Variants in MRPS30 observed in about 807,000 individuals in gnomAD.
MRPS30 encodes large ribosomal subunit protein mL65.
A neutral mutation model predicts 43.8 loss-of-function variants in MRPS30; 42 were observed. That is an observed-to-expected ratio of 0.96 (90% confidence interval 0.75 to 1.24). The LOEUF (loss-of-function observed/expected upper bound fraction) is 1.24, where lower values mean the gene tolerates loss of function less well. MRPS30 is among the 50% of genes most tolerant of loss of function. The probability of loss-of-function intolerance (pLI) is 0.00; values close to 1 mark genes in which losing one functional copy is unlikely to be tolerated. For missense variants in MRPS30, 638 were observed against 570.0 expected (o/e 1.12, Z -1.22); for synonymous variants, 273 against 228.2 (o/e 1.20, Z -1.77).
At position 44,813,097 on chromosome 5, in the gene MRPS30, G is replaced by T; in HGVS notation, c.854-9G>T. The T allele has an allele frequency of 1.2e-6, 2 of 1,606,422 alleles. No individual in the cohort carries two copies. Among genetic ancestry groups the T allele is most frequent in the Admixed American group, 1.7e-5 (1 of 58,078 alleles). ...GTTTCATCTGAAATGTTTTTATTTT[G>T]CTCTTCAGGCTCAAAAACTGCAGAT... On this transcript the variant is annotated splice_polypyrimidine_tract_variant and intron_variant, in intron 3 of 4. Transcript: ENST00000507110.
intron 1 of MRPS30, 189 bp downstream of exon 1, chr5:44,809,752 G>A: frequency 1.6e-6 from 1 of 621,306 alleles, no homozygotes; most frequent in South Asian, 2.2e-5. Context: ...GACTAGGTGT[G>A]TGTGGCTGCG....
rs1742869200 is a variant in MRPS30 at position 44,813,121 on chromosome 5, A to C, written c.869A>C (p.Asp290Ala). 2 of 1,611,734 alleles carry C rather than the reference A, an allele frequency of 1.2e-6. No homozygotes were observed. The highest frequency in any genetic ancestry group is 1.7e-6 in the Non-Finnish European group (2 of 1,179,270). The change falls in exon 4 of 5, where the codon GAT becomes GCT. Residue 290 changes from aspartate to alanine, a missense_variant. By Grantham distance (126) the Asp-to-Ala change is moderately radical. Coordinates refer to ENST00000507110, the MANE Select transcript of MRPS30 (RefSeq NM_016640.4). ...TGCTCTTCAGGCTCAAAAACTGCAG[A>C]TCCTTGCTGTTACGGTCACACCCAG... is the stretch of plus-strand genomic sequence containing the variant. ...NHIFVGSKTA[D>A]PCCYGHTQFH...
intron 1 of MRPS30, among the ~76,000 whole-genome samples, chr5:44,810,416 T>TG (rs1742819564): frequency 6.6e-6 from 1 of 152,250 alleles, no homozygotes; most frequent in Non-Finnish European, 1.5e-5. Flanking sequence ...ATTATTGTTT[T>TG]TGACGCATTC....
intron 1 of MRPS30, 43 bp from the exon 2 acceptor site, chr5:44,810,949 ATAGTAACCAAATTTATT>A: frequency 6.7e-7 from 1 of 1,495,214 alleles, no homozygotes; most frequent in South Asian, 1.2e-5. Context: ...TAGTGTTCTA[ATAGTAACCAAATTTATT>A]TAGATGATCA....
Position 44,811,884 on chromosome 5 carries a change from GAATTTAGTATGT to G in MRPS30, c.748-30_748-19del. The G allele has an allele frequency of 7.7e-7, 1 of 1,296,382 alleles. No homozygotes were observed. Among genetic ancestry groups the G allele is most frequent in the Non-Finnish European group, 1.1e-6 (1 of 944,918 alleles). 80.3% of individuals were successfully genotyped at this position (1,296,382 alleles called of 1,614,324 possible). A position where few individuals can be genotyped will look rare whatever the true frequency, so the allele number is the denominator to read the frequency against. On this transcript the variant is annotated intron_variant, in intron 2 of 4. Coordinates refer to ENST00000507110, the MANE Select transcript of MRPS30 (RefSeq NM_016640.4). ...GTAAAATACATACTAATGTTGCTGTGAATTTAGTATGTCTTTTCTTTTTCTTTAAGTTTGTGC... is the reference window on the plus strand; with the variant it reads ...GTAAAATACATACTAATGTTGCTGTGCTTTTCTTTTTCTTTAAGTTTGTGC...
chr5:44,813,366 A>G (rs1378674032), intron 4 of MRPS30, 84 bp downstream of exon 4: 5 of 1,178,884 alleles, frequency 4.2e-6, no homozygotes, highest in Non-Finnish European at 5.7e-6. Context: ...TCTTTGGGTT[A>G]AAACATAGGT....
chr5:44,813,373 A>G (rs936385516), intron 4 of MRPS30, 91 bp downstream of exon 4: 14 of 1,116,888 alleles, frequency 1.3e-5, no homozygotes, highest in Admixed American at 7.1e-5. Flanking sequence ...GTTAAAACAT[A>G]GGTTGAATCT....
In MRPS30 at chr5:44,809,395, G is replaced by T; in HGVS notation, c.433G>T (p.Val145Phe). The change falls in exon 1 of 5, where the codon GTC becomes TTC. Residue 145 changes from valine (V) to phenylalanine (F), a missense_variant. By Grantham distance (50) the Val-to-Phe change is conservative. Transcript: ENST00000507110. ...PALDLAALRA[V>F]ACDCLLQEHF... is the part of the protein sequence containing the mutation. ...GCTGGACCTCGCGGCGCTGCGTGCG[G>T]TCGCCTGCGACTGCCTGCTGCAGGA... 1 of 1,610,536 alleles carries T rather than the reference G, an allele frequency of 6.2e-7. No homozygotes were observed. Among genetic ancestry groups the T allele is most frequent in the South Asian group, 1.1e-5 (1 of 90,856 alleles).
In MRPS30 at chr5:44,809,460, C is replaced by G; in HGVS notation, c.498C>G (p.Tyr166Ter). 1 of 1,613,902 alleles carries G rather than the reference C, an allele frequency of 6.2e-7. No individual in the cohort carries two copies. Among genetic ancestry groups the G allele is most frequent in the Non-Finnish European group, 8.5e-7 (1 of 1,180,000 alleles). ...GGCGCAGGCGGCGCGTGCACCGTTACGAGGAGAGCGAGGTCATATCTTTGC... is the reference window on the plus strand; with the variant it reads ...GGCGCAGGCGGCGCGTGCACCGTTAGGAGGAGAGCGAGGTCATATCTTTGC... ...YLRRRRRVHR[Y>*]EESEVISLPF... The change falls in exon 1 of 5, where the codon TAC becomes TAG. Residue 166 changes from tyrosine (Y) to a stop codon, truncating the protein, a stop_gained. Coordinates refer to ENST00000507110, the MANE Select transcript of MRPS30 (RefSeq NM_016640.4). LOFTEE classifies it high-confidence loss of function.
Position 44,809,544 on chromosome 5 carries a change from C to T in MRPS30, c.582C>T (p.Ala194=). The change falls in exon 1 of 5, where the codon GCC becomes GCT. Residue 194 remains alanine, a synonymous_variant. Transcript: ENST00000507110. ...LVGLLSPHNP[A]LAAAALDYRC... Reference sequence around the variant, plus strand: ...GCCTCCTCAGCCCACACAACCCGGCCCTGGCCGCTGCCGCCCTCGGTGAGC... The same window carrying T: ...GCCTCCTCAGCCCACACAACCCGGCTCTGGCCGCTGCCGCCCTCGGTGAGC... 1 of 1,600,720 alleles carries T rather than the reference C, an allele frequency of 6.2e-7. No individual in the cohort carries two copies.
At chr5:44,813,057 A>C in intron 3 of MRPS30, 49 bp from the exon 4 acceptor site, 1 of 1,573,016 alleles carries the variant, frequency 6.4e-7, no homozygotes, top group South Asian at 1.2e-5. Flanking sequence ...TGTGCTCCAC[A>C]TGTTCTACAT....
In MRPS30 at chr5:44,809,124, C is replaced by T. The variant is rs1243302463; in HGVS notation, c.162C>T (p.Asp54=). ...YPPIVASMTA[D]SKAARLRRIE... ...CGATTGTGGCCTCCATGACAGCCGACAGCAAAGCTGCACGGCTGCGGCGGA... is the reference window on the plus strand; with the variant it reads ...CGATTGTGGCCTCCATGACAGCCGATAGCAAAGCTGCACGGCTGCGGCGGA... The change falls in exon 1 of 5, where the codon GAC becomes GAT. Residue 54 remains aspartate (D), a synonymous_variant. Coordinates refer to ENST00000507110, the MANE Select transcript of MRPS30 (RefSeq NM_016640.4). 2 of 1,612,042 alleles carry T rather than the reference C, an allele frequency of 1.2e-6. No individual in the cohort carries two copies. Among genetic ancestry groups the T allele is most frequent in the South Asian group, 2.2e-5 (2 of 90,948 alleles).
chr5:44,811,661 C>T (rs189569717), intron 2 of MRPS30, among the ~76,000 whole-genome samples: 2 of 152,318 alleles, frequency 1.3e-5, no homozygotes, highest in Non-Finnish European at 1.5e-5. Flanking sequence ...GTCTCTGTTG[C>T]AAGTGTTCAG....
In MRPS30 at chr5:44,809,453, A is replaced by G. The variant is rs767441142; in HGVS notation, c.491A>G (p.His164Arg). 30 of 1,613,712 alleles carry G rather than the reference A, an allele frequency of 1.9e-5. No individual in the cohort carries two copies. Among genetic ancestry groups the G allele is most frequent in the Non-Finnish European group, 2.4e-5 (28 of 1,180,012 alleles). ...HFYLRRRRRV[H>R]RYEESEVISL... is the part of the protein sequence containing the mutation. ...TACCTGCGGCGCAGGCGGCGCGTGC[A>G]CCGTTACGAGGAGAGCGAGGTCATA... The change falls in exon 1 of 5, where the codon CAC (histidine) becomes CGC (arginine). Residue 164 changes from histidine (H) to arginine (R), a missense_variant. Coordinates refer to ENST00000507110, the MANE Select transcript of MRPS30 (RefSeq NM_016640.4).
At chr5:44,809,794 C>T in intron 1 of MRPS30, 1 of 523,024 alleles carries the variant, frequency 1.9e-6, no homozygotes, top group Non-Finnish European at 3.3e-6. Flanking sequence ...ACTCTGAAAG[C>T]CTGAGCTCTC....
In MRPS30 at chr5:44,814,966, A is replaced by G; in HGVS notation, c.1084A>G (p.Thr362Ala). The G allele has an allele frequency of 1.2e-6, 2 of 1,613,872 alleles. No homozygotes were observed. Among genetic ancestry groups the G allele is most frequent in the Non-Finnish European group, 1.7e-6 (2 of 1,179,822 alleles). The change falls in exon 5 of 5, where the codon ACA becomes GCA. Residue 362 changes from threonine to alanine, a missense_variant. Coordinates refer to ENST00000507110, the MANE Select transcript of MRPS30 (RefSeq NM_016640.4). ...ACCTTTTGTCTCCCAGGCTGTGATC[A>G]CAGATGGAAAATACTTTTCCTTTTT... ...TRPFVSQAVI[T>A]DGKYFSFFCY...
chr5:44,812,110 C>A, intron 3 of MRPS30, 90 bp downstream of exon 3: 1 of 873,340 alleles, frequency 1.1e-6, no homozygotes, highest in Non-Finnish European at 1.8e-6. Flanking sequence ...GGAATTAATT[C>A]TCGAAGACCG....
At chr5:44,810,516 T>G (rs1484161957) in intron 1 of MRPS30, among the ~76,000 whole-genome samples, 1 of 152,220 alleles carries the variant, frequency 6.6e-6, no homozygotes, top group Non-Finnish European at 1.5e-5. Context: ...AGCCTTGTTG[T>G]GTGCATGTTT....
rs763470676 is a variant in MRPS30 at position 44,809,249 on chromosome 5, A to G, written c.287A>G (p.Gln96Arg). 1.9e-6 allele frequency: 3 copies of G among 1,613,664 alleles called. No homozygotes were observed. The highest frequency in any genetic ancestry group is 2.5e-6 in the Non-Finnish European group (3 of 1,179,914). ...MQFMKYMVYPQTFALNADRWY... is the reference protein window; with the variant it reads ...MQFMKYMVYPRTFALNADRWY... ...TTTATGAAGTACATGGTTTACCCGC[A>G]GACCTTCGCGCTGAATGCCGACCGC... is the stretch of plus-strand genomic sequence containing the variant. The change falls in exon 1 of 5, where the codon CAG (glutamine) becomes CGG (arginine). Residue 96 changes from glutamine (Q) to arginine (R), a missense_variant. By Grantham distance (43) the Gln-to-Arg change is conservative. Transcript: ENST00000507110.
Sources: allele counts gnomAD v4.1 joint callset (sites outside exome capture counted in the v4.1 genomes callset), GRCh38; gene constraint gnomAD v4.1.1; transcripts MANE v1.5; gene names NCBI Gene and HGNC (gene_info 2026-07-23, HGNC 2026-07-21).